Variants in RBFOX1 observed in about 807,000 individuals in gnomAD.
RBFOX1 encodes the protein RNA binding protein fox-1 homolog 1.
A neutral mutation model predicts 57.7 loss-of-function variants in RBFOX1; 8 were observed. The ratio of observed to expected loss-of-function variants is 0.14; its 90% CI spans 0.08 to 0.25. RBFOX1 has a LOEUF of 0.25. Among genes scored for constraint, RBFOX1 ranks in the 10% least tolerant of loss-of-function variants. The pLI, the probability that RBFOX1 is intolerant of heterozygous loss-of-function variation, is 1.00. For missense variants in RBFOX1, 611 were observed against 548.5 expected (o/e 1.11, Z -1.14); for synonymous variants, 326 against 222.4 (o/e 1.47, Z -4.15).
At chr16:7,364,828 A>G (rs931175539) in intron 4 of RBFOX1, among the ~76,000 whole-genome samples, 3 of 152,200 alleles carry the variant, frequency 2.0e-5, no homozygotes, top group Non-Finnish European at 2.9e-5. Flanking sequence ...TGAGGGCAAC[A>G]TACTTGTTTT....
At chr16:5,586,038 C>T (rs888222509) in intron 2 of RBFOX1, among the ~76,000 whole-genome samples, 2 of 152,058 alleles carry the variant, frequency 1.3e-5, no homozygotes, top group African/African-American at 2.4e-5. Context: ...TTAAAAAAGA[C>T]ATAAAGGGAG....
intron 1 of RBFOX1, among the ~76,000 whole-genome samples, chr16:5,389,386 G>T (rs1327032077): frequency 4.6e-5 from 7 of 152,086 alleles, no homozygotes; most frequent in Non-Finnish European, 1.0e-4. Context: ...GTTGCCTTGT[G>T]CCTCATACGA....
chr16:6,829,638 G>C (rs1036418991), intron 3 of RBFOX1, among the ~76,000 whole-genome samples: 5 of 152,050 alleles, frequency 3.3e-5, no homozygotes, highest in African/African-American at 1.2e-4. Context: ...GTCTCGCTCT[G>C]TCACCCATAC....
chr16:7,432,251 C>G (rs1168205597), intron 4 of RBFOX1, among the ~76,000 whole-genome samples: 1 of 152,198 alleles, frequency 6.6e-6, no homozygotes, highest in African/African-American at 2.4e-5. Context: ...ATGAGTCTCC[C>G]AAGGTGGGAT....
intron 4 of RBFOX1, among the ~76,000 whole-genome samples, chr16:7,094,680 T>C (rs1006274518): frequency 6.6e-6 from 1 of 150,410 alleles, no homozygotes; most frequent in South Asian, 2.1e-4. Context: ...CTCCAATGTC[T>C]TGTTAGTGGT....
At position 7,220,619 on chromosome 16, in the gene RBFOX1, C is replaced by G. The variant is rs74943828; in HGVS notation, c.27+168521C>G. ...GCAGGTATCATTGCTGCATCTTCCT[C>G]TGGTTGAGGACTTGTTACCTGGACT... On this transcript the variant is annotated intron_variant, in intron 4 of 15. Coordinates refer to ENST00000550418, the MANE Select transcript of RBFOX1 (RefSeq NM_018723.4). Among the ~76,000 whole-genome samples, 215 of 152,256 alleles carry G rather than the reference C, an allele frequency of 1.4e-3. 1 individual carries two copies. Among genetic ancestry groups the G allele is most frequent in the African/African-American group, 5.1e-3 (213 of 41,554 alleles).
intron 2 of RBFOX1, among the ~76,000 whole-genome samples, chr16:6,638,265 T>C (rs188596774): frequency 6.6e-6 from 1 of 152,174 alleles, no homozygotes; most frequent in Non-Finnish European, 1.5e-5. Flanking sequence ...CTAAACTGTT[T>C]TAAGGTACAT....
rs74904177 is a variant in RBFOX1, at chr16:5,549,650, T to G, written c.259-49252T>G. Among the ~76,000 whole-genome samples, 1,042 of 152,308 alleles carry G rather than the reference T, an allele frequency of 6.8e-3. 9 individuals are homozygous for G. The highest frequency in any genetic ancestry group is 0.011 in the Non-Finnish European group (737 of 68,030). ...GGGTTGGGGCACAGCATTCAAAAAC[T>G]TCATCAGTGAGATGTTTAAAAAGGG... On this transcript the variant is annotated intron_variant, in intron 2 of 2. Transcript: ENST00000585867.
intron 10 of RBFOX1, among the ~76,000 whole-genome samples, chr16:7,612,411 T>A (rs1158908496): frequency 2.7e-5 from 4 of 150,306 alleles, no homozygotes; most frequent in Non-Finnish European, 5.9e-5. Flanking sequence ...TTGGCCAATG[T>A]GTATGGCCCT....
chr16:7,153,050 T>A (rs952739932), intron 4 of RBFOX1, among the ~76,000 whole-genome samples: 10 of 152,234 alleles, frequency 6.6e-5, no homozygotes, highest in Admixed American at 4.6e-4. Flanking sequence ...TTTGGTTAAT[T>A]ATGTAGAACC....
chr16:5,466,246 G>A (rs2068949641), intron 1 of RBFOX1, among the ~76,000 whole-genome samples: 2 of 152,188 alleles, frequency 1.3e-5, no homozygotes, highest in South Asian at 4.1e-4. Context: ...TCAGATTCAT[G>A]TTCCATACAG....
chr16:6,087,008 C>A (rs560975269), intron 1 of RBFOX1, among the ~76,000 whole-genome samples: 1 of 152,268 alleles, frequency 6.6e-6, no homozygotes, highest in Non-Finnish European at 1.5e-5. Context: ...ACCCTTCTCA[C>A]AATGGGTAGA....
chr16:7,035,105 C>A (rs926101033), intron 3 of RBFOX1, among the ~76,000 whole-genome samples: 4 of 151,864 alleles, frequency 2.6e-5, no homozygotes, highest in Admixed American at 2.0e-4. Context: ...GTCTTGGCCT[C>A]CCAAAGTGCT....
At chr16:7,003,067 G>A (rs1255605644) in intron 3 of RBFOX1, among the ~76,000 whole-genome samples, 2 of 151,826 alleles carry the variant, frequency 1.3e-5, no homozygotes, top group Non-Finnish European at 2.9e-5. Context: ...CCAAAGAGAG[G>A]TTATACAATC....
chr16:7,146,277 C>T (rs982908418), intron 4 of RBFOX1, among the ~76,000 whole-genome samples: 1 of 152,196 alleles, frequency 6.6e-6, no homozygotes, highest in East Asian at 1.9e-4. Context: ...TCTAGTTTCT[C>T]TGCCACTAAA....
intron 4 of RBFOX1, among the ~76,000 whole-genome samples, chr16:5,942,200 T>G (rs1016081815): frequency 1.4e-4 from 21 of 151,662 alleles, no homozygotes; most frequent in Admixed American, 3.9e-4. Flanking sequence ...GAGACTGGAG[T>G]TTTTTTTATT....
At chr16:6,186,225 C>T (rs7189603) in intron 1 of RBFOX1, among the ~76,000 whole-genome samples, 70,893 of 151,866 alleles carry the variant, frequency 0.47, 16,782 homozygotes, top group East Asian at 0.56. Flanking sequence ...CAGTCTAAAA[C>T]TCAGTCATTT....
intron 3 of RBFOX1, among the ~76,000 whole-genome samples, chr16:6,852,723 G>C (rs1292018589): frequency 6.8e-6 from 1 of 147,714 alleles, no homozygotes; most frequent in Non-Finnish European, 1.5e-5. Flanking sequence ...GCGAGGCGTG[G>C]GCTGGGAACT....
chr16:5,446,350 C>G (rs1055772481), intron 1 of RBFOX1, among the ~76,000 whole-genome samples: 1 of 152,086 alleles, frequency 6.6e-6, no homozygotes, highest in African/African-American at 2.4e-5. Flanking sequence ...AGATGGTAGA[C>G]AGTATAGACA....
Sources: allele counts gnomAD v4.1 joint callset (sites outside exome capture counted in the v4.1 genomes callset), GRCh38; gene constraint gnomAD v4.1.1; transcripts MANE v1.5; gene names NCBI Gene and HGNC (gene_info 2026-07-23, HGNC 2026-07-21).